The following TMEM177 variants were observed in gnomAD, a reference collection of about 807,000 sequenced individuals.
TMEM177 encodes transmembrane protein 177.
In TMEM177, 4 loss-of-function variants were observed where a neutral mutation model predicts 14.2. The observed-to-expected ratio is 0.28, with a 90% confidence interval of 0.14 to 0.64. TMEM177 has a LOEUF of 0.64. Among genes scored for constraint, TMEM177 ranks in the 30% least tolerant of loss-of-function variants. TMEM177 has a pLI of 0.82. For synonymous variants in TMEM177, 179 were observed against 174.5 expected (o/e 1.03, Z -0.20); for missense variants, 344 against 405.2 (o/e 0.85, Z 1.30).
At chr2:119,697,174 GAACCA>G in the TMEM177 span, among the ~76,000 whole-genome samples, 1 of 152,214 alleles carries the variant, frequency 6.6e-6, no homozygotes, top group African/African-American at 2.4e-5. Context: ...ACAAAACACG[GAACCA>G]AACTCCTAAA....
the TMEM177 span, among the ~76,000 whole-genome samples, chr2:119,694,212 CACAA>C: frequency 3.9e-4 from 58 of 149,912 alleles, no homozygotes; most frequent in Middle Eastern, 3.4e-3. Flanking sequence ...GCACACACAA[CACAA>C]ACACATACCA....
Position 119,681,930 on chromosome 2 carries a change from T to A in TMEM177, c.*141T>A. ...TGGAATTAAATAGCTTAGATTGTAC[T>A]ATAACCACTACTTATGAACTCAGGG... On this transcript the variant is annotated 3_prime_UTR_variant, in exon 2 of 2. Transcript: ENST00000272521. The A allele has an allele frequency of 1.4e-6, 1 of 705,460 alleles. No individual in the cohort carries two copies. The highest frequency in any genetic ancestry group is 2.4e-6 in the Non-Finnish European group (1 of 416,862). The allele number at this position is 705,460 out of a possible 1,614,324, so 43.7% of individuals were successfully genotyped here.
the TMEM177 span, among the ~76,000 whole-genome samples, chr2:119,702,967 C>T: frequency 2.0e-5 from 3 of 152,180 alleles, no homozygotes; most frequent in African/African-American, 7.2e-5. Context: ...TTCCTGTGAC[C>T]GGGCAGGAGC....
At chr2:119,695,726 GTTA>G in the TMEM177 span, among the ~76,000 whole-genome samples, 1 of 152,250 alleles carries the variant, frequency 6.6e-6, no homozygotes, top group Admixed American at 6.5e-5. Context: ...TCTCATATAT[GTTA>G]TTTTTTTGAA....
chr2:119,682,627 T>G (rs1688934758), downstream of TMEM177, among the ~76,000 whole-genome samples: 1 of 152,000 alleles, frequency 6.6e-6, no homozygotes, highest in African/African-American at 2.4e-5. Context: ...GTTCCAGAAC[T>G]CCGAGATCTG....
chr2:119,706,277 C>T, the TMEM177 span, among the ~76,000 whole-genome samples: 8 of 152,084 alleles, frequency 5.3e-5, no homozygotes, highest in South Asian at 4.1e-4. Context: ...CTGCCTGCCT[C>T]GGCCTTCCAA....
chr2:119,685,445 CAT>C (rs1491258134), downstream of TMEM177, among the ~76,000 whole-genome samples: 4 of 152,200 alleles, frequency 2.6e-5, no homozygotes, highest in East Asian at 3.9e-4. Context: ...ACCTGATCCC[CAT>C]GTGTGTGTAG....
chr2:119,709,466 A>T, the TMEM177 span, among the ~76,000 whole-genome samples: 1 of 152,242 alleles, frequency 6.6e-6, no homozygotes, highest in South Asian at 2.1e-4. Flanking sequence ...ACTTGAGCCC[A>T]GGAGTCCAAG....
downstream of TMEM177, among the ~76,000 whole-genome samples, chr2:119,684,284 T>C (rs1164893640): frequency 6.6e-6 from 1 of 152,176 alleles, no homozygotes; most frequent in Non-Finnish European, 1.5e-5. Context: ...AGTTATTTAG[T>C]GTTCCTCCTG....
At chr2:119,692,994 AAAAG>A in the TMEM177 span, among the ~76,000 whole-genome samples, 3 of 150,196 alleles carry the variant, frequency 2.0e-5, no homozygotes, top group East Asian at 5.8e-4. Context: ...AAAAAAAAAA[AAAAG>A]GCAGGGATTT....
At chr2:119,697,266 G>A in the TMEM177 span, among the ~76,000 whole-genome samples, 4 of 152,208 alleles carry the variant, frequency 2.6e-5, no homozygotes, top group Admixed American at 6.5e-5. Context: ...CTCTGTAGAA[G>A]TACAGGCTAT....
the TMEM177 span, among the ~76,000 whole-genome samples, chr2:119,717,889 G>C: frequency 6.6e-6 from 1 of 151,972 alleles, no homozygotes; most frequent in East Asian, 1.9e-4. Flanking sequence ...CAAAGTGCTG[G>C]GATTATAGGC....
At chr2:119,691,600 A>G in the TMEM177 span, among the ~76,000 whole-genome samples, 1 of 152,194 alleles carries the variant, frequency 6.6e-6, no homozygotes, top group Non-Finnish European at 1.5e-5. Context: ...GCAGTGGGCC[A>G]CATCCACCTC....
At chr2:119,687,137 C>G (rs1357955276), downstream of TMEM177, among the ~76,000 whole-genome samples, 2 of 152,186 alleles carry the variant, frequency 1.3e-5, no homozygotes, top group African/African-American at 2.4e-5. Flanking sequence ...CTAAGAGGCC[C>G]TTGTCTTCTT....
At chr2:119,692,948 A>C in the TMEM177 span, among the ~76,000 whole-genome samples, 1 of 122,426 alleles carries the variant, frequency 8.2e-6, no homozygotes, top group South Asian at 2.9e-4. Context: ...CTCCAGCCTG[A>C]GTGACAAAGC....
the TMEM177 span, among the ~76,000 whole-genome samples, chr2:119,692,969 C>CAA: frequency 9.6e-5 from 5 of 52,200 alleles, no homozygotes; most frequent in South Asian, 2.3e-3. Flanking sequence ...GAGATTGTCT[C>CAA]AAAAAAAAAA....
chr2:119,704,831 A>C, the TMEM177 span, among the ~76,000 whole-genome samples: 1 of 152,242 alleles, frequency 6.6e-6, no homozygotes, highest in African/African-American at 2.4e-5. Context: ...TAAAATGGTT[A>C]TATTAATCCA....
At chr2:119,712,432 TA>T in the TMEM177 span, among the ~76,000 whole-genome samples, 4 of 152,090 alleles carry the variant, frequency 2.6e-5, no homozygotes, top group Admixed American at 6.5e-5. Context: ...ATGATTAAGT[TA>T]AAATGAGGTC....
chr2:119,705,731 G>A, the TMEM177 span, among the ~76,000 whole-genome samples: 1 of 151,070 alleles, frequency 6.6e-6, no homozygotes, highest in Non-Finnish European at 1.5e-5. Flanking sequence ...GCCATATTCT[G>A]TTGATGAGAA....
Sources: allele counts gnomAD v4.1 joint callset (sites outside exome capture counted in the v4.1 genomes callset), GRCh38; gene constraint gnomAD v4.1.1; transcripts MANE v1.5; gene names NCBI Gene and HGNC (gene_info 2026-07-23, HGNC 2026-07-21).